The following NALCN variants were observed in gnomAD, a reference collection of about 807,000 sequenced individuals.
NALCN encodes the protein sodium leak channel, non-selective.
In NALCN, 111 loss-of-function variants were observed where a neutral mutation model predicts 225.3. The observed-to-expected ratio is 0.49, with a 90% CI of 0.42 to 0.58. The LOEUF is 0.58. Among genes scored for constraint, NALCN ranks in the 20% least tolerant of loss-of-function variants. The pLI is 0.00. For synonymous variants in NALCN, 764 were observed against 769.0 expected (o/e 0.99, Z 0.11); for missense variants, 1,378 against 2,202.4 (o/e 0.63, Z 7.49).
chr13:101,259,696 A>G (rs2042353384), intron 10 of NALCN, among the ~76,000 whole-genome samples: 2 of 148,672 alleles, frequency 1.3e-5, no homozygotes. Flanking sequence ...AGGCCATATT[A>G]TTCACATTAA....
chr13:101,209,389 T>A (rs1172561982), intron 13 of NALCN, among the ~76,000 whole-genome samples: 1 of 152,240 alleles, frequency 6.6e-6, no homozygotes, highest in East Asian at 1.9e-4. Context: ...TCAAAGTGTA[T>A]ATTTGCTAGA....
chr13:101,206,400 G>A (rs2040312678), intron 13 of NALCN, among the ~76,000 whole-genome samples: 1 of 151,782 alleles, frequency 6.6e-6, no homozygotes, highest in African/African-American at 2.4e-5. Flanking sequence ...AAATAAACTT[G>A]ATAGCTGTTT....
rs1387253843 is a variant in NALCN, at chr13:101,116,343, T to C, written c.2193-5117A>G. The C allele has an allele frequency of 1.2e-5, 3 of 252,668 alleles. No individual in the cohort carries two copies. The East Asian group carries it at 2.4e-4, about 21-fold the overall frequency. 15.7% of individuals were successfully genotyped at this position (252,668 alleles called of 1,614,324 possible). On this transcript the variant is annotated intron_variant, in intron 18 of 43. Transcript: ENST00000251127. The stretch of plus-strand genomic sequence containing the variant: ...ATATATATATATATATAATCTTTTA[T>C]GGACGTTGGGGAAAGAGAATCATGT...
At chr13:101,128,098 T>C (rs1193292077) in intron 17 of NALCN, among the ~76,000 whole-genome samples, 1 of 152,166 alleles carries the variant, frequency 6.6e-6, no homozygotes, top group African/African-American at 2.4e-5. Context: ...GATGTAAACA[T>C]ATCAGAGATG....
intron 7 of NALCN, among the ~76,000 whole-genome samples, chr13:101,338,686 T>C (rs2045462926): frequency 1.3e-5 from 2 of 152,234 alleles, no homozygotes; most frequent in African/African-American, 4.8e-5. Context: ...AACTGGCACA[T>C]CACCTCTGTT....
rs1332346239 is a variant in NALCN, at chr13:101,194,374, T to C, written c.1627-2320A>G. On this transcript the variant is annotated intron_variant, in intron 13 of 43. Coordinates refer to ENST00000251127, the MANE Select transcript of NALCN (RefSeq NM_052867.4). ...ATCTGTGTGTTTATGGCTGCTGAAA[T>C]GAATAAACCAATGAAAGGTAGTGCC... is the stretch of plus-strand genomic sequence containing the variant. Among the ~76,000 whole-genome samples, 6 of 152,320 alleles carry C rather than the reference T, an allele frequency of 3.9e-5. No individual in the cohort carries two copies. The South Asian group carries it at 1.2e-3, about 32-fold the overall frequency.
At chr13:101,415,208 C>CATATATATATATATATATATATATATAT (rs1030463057) in intron 1 of NALCN, among the ~76,000 whole-genome samples, 73 of 107,768 alleles carry the variant, frequency 6.8e-4, no homozygotes, top group Non-Finnish European at 9.9e-4. Flanking sequence ...AAATCACACA[C>CATATATATATATATATATATATATATAT]ATATATATAT....
intron 19 of NALCN, 130 bp from the exon 20 acceptor site, chr13:101,110,818 T>C: frequency 4.4e-6 from 4 of 914,406 alleles, no homozygotes; most frequent in Non-Finnish European, 7.0e-6. Flanking sequence ...TTTCTTTTCA[T>C]AGCAGAAGCT....
At chr13:101,215,477 T>C (rs575696039) in intron 13 of NALCN, among the ~76,000 whole-genome samples, 192 of 152,256 alleles carry the variant, frequency 1.3e-3, no homozygotes, top group Non-Finnish European at 1.7e-3. Context: ...AATATAACTG[T>C]GCTCTCAGCT....
chr13:101,288,367 A>T (rs930912170), intron 9 of NALCN, among the ~76,000 whole-genome samples: 3 of 152,246 alleles, frequency 2.0e-5, no homozygotes, highest in Admixed American at 2.0e-4. Context: ...TTCTTTGAGC[A>T]TTAAGTTATA....
At chr13:101,385,871 T>C (rs2046972674) in intron 3 of NALCN, among the ~76,000 whole-genome samples, 1 of 152,204 alleles carries the variant, frequency 6.6e-6, no homozygotes, top group African/African-American at 2.4e-5. Context: ...GCATGCATCT[T>C]CTAATTGATG....
chr13:101,307,730 GTTC>G (rs1417769252), intron 7 of NALCN, among the ~76,000 whole-genome samples: 1 of 152,168 alleles, frequency 6.6e-6, no homozygotes, highest in African/African-American at 2.4e-5. Context: ...ATTAGCAATA[GTTC>G]TTCTGTGCTT....
At chr13:101,059,477 T>C (rs959890653) in intron 42 of NALCN, among the ~76,000 whole-genome samples, 8 of 152,220 alleles carry the variant, frequency 5.3e-5, no homozygotes, top group Non-Finnish European at 1.2e-4. Context: ...CCATACTCCA[T>C]GTAATATACC....
chr13:101,059,668 C>T lies in NALCN; in HGVS notation c.4905+150G>A, dbSNP rs544822695. ...GACATAATCTGGATCAATGGATTTC[C>T]GTTGCCTTTTTTTTTTTTAATGAAA... On this transcript the variant is annotated intron_variant, in intron 42 of 43. Transcript: ENST00000251127. 115 of 673,828 alleles carry T rather than the reference C, an allele frequency of 1.7e-4. 1 individual carries two copies. The highest frequency in any genetic ancestry group is 4.5e-4 in the Middle Eastern group (1 of 2,244). 41.7% of individuals were successfully genotyped at this position (673,828 alleles called of 1,614,324 possible).
In NALCN at chr13:101,127,697, CAT is replaced by C. The variant is rs140667596; in HGVS notation, c.2119-3018_2119-3017del. On this transcript the variant is annotated intron_variant, in intron 17 of 43. Transcript: ENST00000251127. ...AAAAGAAGGAAAGGACTCACACACACATATATATGTCTTCTTTCATCTACTTA... is the reference window on the plus strand; with the variant it reads ...AAAAGAAGGAAAGGACTCACACACACATATATGTCTTCTTTCATCTACTTA... Among the ~76,000 whole-genome samples the C allele has an allele frequency of 5.8e-3, 887 of 152,254 alleles. 8 individuals carry two copies. The highest frequency in any genetic ancestry group is 9.1e-3 in the Non-Finnish European group (620 of 68,020).
intron 13 of NALCN, among the ~76,000 whole-genome samples, chr13:101,208,272 G>T (rs2140065839): frequency 6.6e-6 from 1 of 150,516 alleles, no homozygotes; most frequent in Non-Finnish European, 1.5e-5. Flanking sequence ...ACTCATCACA[G>T]AGGTCTGCAG....
chr13:101,104,157 C>T lies in NALCN; in HGVS notation c.2889+138G>A. The T allele has an allele frequency of 1.1e-6, 1 of 923,514 alleles. No homozygotes were observed. Among genetic ancestry groups the T allele is most frequent in the South Asian group, 2.2e-5 (1 of 44,844 alleles). The allele number at this position is 923,514 out of a possible 1,614,324, so 57.2% of individuals were successfully genotyped here. ...ATGGCCCTTATTTGCATATAATGAA[C>T]TACTCTAGAGTCCATTTAAGAATTC... On this transcript the variant is annotated intron_variant, in intron 25 of 43. Transcript: ENST00000251127. The surrounding 1 kb of genome is among the most constrained non-coding windows in gnomAD (Gnocchi z 4.2).
intron 6 of NALCN, 50 bp from the exon 7 acceptor site, chr13:101,345,470 T>C (rs2045690120): frequency 6.3e-7 from 1 of 1,586,154 alleles, no homozygotes; most frequent in Non-Finnish European, 8.6e-7. Context: ...TCATAAATGT[T>C]GATTACAATG....
chr13:101,168,895 A>G (rs1414372663), intron 15 of NALCN, among the ~76,000 whole-genome samples: 4 of 152,034 alleles, frequency 2.6e-5, no homozygotes, highest in Admixed American at 1.3e-4. Context: ...CCTAAAAAAG[A>G]CTCTGCAGTT....
Sources: gnomAD v4.1 joint callset for allele counts (sites outside exome capture counted in the v4.1 genomes callset) on GRCh38, gnomAD v4.1.1 for gene constraint, Gnocchi (gnomAD v3.1) non-coding constraint, MANE v1.5 for transcripts, NCBI Gene and HGNC (gene_info 2026-07-23, HGNC 2026-07-21) for gene names.